The following MYH6 variants were observed in gnomAD, a reference collection of about 807,000 sequenced individuals.
MYH6 encodes myosin-6.
Under a neutral mutation model 223.2 loss-of-function variants are expected in MYH6, and 126 were observed. The ratio of observed to expected loss-of-function variants is 0.56; its 90% CI spans 0.49 to 0.65. The LOEUF is 0.65. Ranked by LOEUF, MYH6 falls within the 30% of genes least tolerant of loss-of-function variation. The pLI, the probability that MYH6 is intolerant of heterozygous loss-of-function variation, is 0.00. For synonymous variants in MYH6, 978 were observed against 1,010.2 expected (o/e 0.97, Z 0.61); for missense variants, 2,040 against 2,536.4 (o/e 0.80, Z 4.20).
At chr14:23,384,218 C>T (rs1236254212) in intron 36 of MYH6, among the ~76,000 whole-genome samples, 1 of 151,596 alleles carries the variant, frequency 6.6e-6, no homozygotes, top group African/African-American at 2.4e-5. Flanking sequence ...AGAAAGAAAC[C>T]TGGGGAAAGA....
In MYH6 at chr14:23,397,170, C is replaced by G. The variant is rs759110601; in HGVS notation, c.2050G>C (p.Gly684Arg). 1.2e-6 allele frequency: 2 copies of G among 1,614,248 alleles called. No homozygotes were observed. Among genetic ancestry groups the G allele is most frequent in the Non-Finnish European group, 1.7e-6 (2 of 1,180,052 alleles). Residue 684 changes from glycine to arginine, a missense_variant and splice_region_variant, in exon 17 of 39, where the codon GGG becomes CGG. Transcript: ENST00000405093. ...AGACTAAGGTCTTCTCCTGGCTCAC[C>G]TGGAGCCTTCCGCTCATTGGGGATG... ...CIIPNERKAP[G>R]VMDNPLVMHQ... is the part of the protein sequence containing the mutation.
At chr14:23,395,872 G>A (rs578138267) in intron 20 of MYH6, among the ~76,000 whole-genome samples, 1 of 152,134 alleles carries the variant, frequency 6.6e-6, no homozygotes, top group South Asian at 2.1e-4. Flanking sequence ...TGTTTTCCTA[G>A]GAAGTTGCAC....
intron 25 of MYH6, among the ~76,000 whole-genome samples, chr14:23,390,785 G>A (rs1026169788): frequency 6.6e-6 from 1 of 152,170 alleles, no homozygotes; most frequent in African/African-American, 2.4e-5. Flanking sequence ...GGGGGATCCT[G>A]GTATCCTGTG....
In MYH6 at chr14:23,391,580, G is replaced by A. The variant is rs143106904; in HGVS notation, c.3342+982C>T. Among the ~76,000 whole-genome samples, 72 of 152,340 alleles carry A rather than the reference G, an allele frequency of 4.7e-4. 1 individual carries two copies. Among genetic ancestry groups the A allele is most frequent in the African/African-American group, 1.7e-3 (69 of 41,570 alleles). On this transcript the variant is annotated intron_variant, in intron 25 of 38. Coordinates refer to ENST00000405093, the MANE Select transcript of MYH6 (RefSeq NM_002471.4). Reference sequence around the variant, plus strand: ...TGTGTTCATACATTACTTGCAGCCTGGGCCATGGGCCTCAAGTGCAGAGGG... The same window carrying A: ...TGTGTTCATACATTACTTGCAGCCTAGGCCATGGGCCTCAAGTGCAGAGGG...
In MYH6 at chr14:23,384,454, C is replaced by A; in HGVS notation, c.5553G>T (p.Glu1851Asp). ...GMRKSERRIK[E>D]LTYQTEEDKK... is the part of the protein sequence containing the mutation. The stretch of plus-strand genomic sequence containing the variant: ...GCGTCCGCCGCACCTGGTAGGTGAG[C>A]TCCTTGATGCGCCGCTCGCTCTTCC... Residue 1851 changes from glutamate to aspartate, a missense_variant, in exon 36 of 39, where the codon GAG becomes GAT. Coordinates refer to ENST00000405093, the MANE Select transcript of MYH6 (RefSeq NM_002471.4). 1 of 1,611,084 alleles carries A rather than the reference C, an allele frequency of 6.2e-7. No individual in the cohort carries two copies. Among genetic ancestry groups the A allele is most frequent in the Non-Finnish European group, 8.5e-7 (1 of 1,180,030 alleles).
chr14:23,396,782 C>A lies in MYH6; in HGVS notation c.2204G>T (p.Gly735Val). ...RILNPVAIPE[G>V]QFIDSRKGTE... ...CCCCTTCCTGCTATCAATGAACTGT[C>A]CCTCAGGGATGGCCACTGGGTTCAG... Residue 735 changes from glycine to valine, a missense_variant, in exon 19 of 39, where the codon GGA (glycine) becomes GTA (valine). Transcript: ENST00000405093. 6.2e-7 allele frequency: 1 copy of A among 1,613,996 alleles called. No individual in the cohort carries two copies. Among genetic ancestry groups the A allele is most frequent in the Non-Finnish European group, 8.5e-7 (1 of 1,179,874 alleles).
chr14:23,407,250 A>T lies in MYH6; in HGVS notation c.-13-14T>A. Reference sequence around the variant, plus strand: ...TTGGTGCTTCCCCTGGGTCAGAGACAGGAGGGCTATGTTACTCCTGAGGGA... The same window carrying T: ...TTGGTGCTTCCCCTGGGTCAGAGACTGGAGGGCTATGTTACTCCTGAGGGA... On this transcript the variant is annotated splice_polypyrimidine_tract_variant and intron_variant, in intron 2 of 38. Transcript: ENST00000405093. This position sits in a 1 kb window ranked among gnomAD's most constrained non-coding sequence, Gnocchi z 5.6. 1 of 1,613,966 alleles carries T rather than the reference A, an allele frequency of 6.2e-7. No individual in the cohort carries two copies. Among genetic ancestry groups the T allele is most frequent in the South Asian group, 1.1e-5 (1 of 91,052 alleles).
intron 22 of MYH6, 57 bp from the exon 23 acceptor site, chr14:23,393,575 T>C: frequency 1.2e-6 from 2 of 1,613,980 alleles, no homozygotes; most frequent in Non-Finnish European, 1.7e-6. Context: ...TGGAGACATC[T>C]ATGGGGACCT....
chr14:23,386,021 C>G lies in MYH6; in HGVS notation c.5070G>C (p.Leu1690=). The change falls in exon 34 of 39, where the codon CTG becomes CTC. Residue 1690 remains leucine (L), a synonymous_variant. Transcript: ENST00000405093. ...NNLLQAELEE[L]RAVVEQTERS... ...GCTCTGTCTGCTCCACCACGGCACG[C>G]AGCTCCTCCAGCTCAGCCTGCAGCA... 6.2e-7 allele frequency: 1 copy of G among 1,614,220 alleles called. No homozygotes were observed.
Position 23,385,049 on chromosome 14 carries a change from T to C in MYH6, c.5164-8A>G. 1.2e-6 allele frequency: 2 copies of C among 1,614,140 alleles called. No individual in the cohort carries two copies. Among genetic ancestry groups the C allele is most frequent in the African/African-American group, 2.7e-5 (2 of 75,052 alleles). ...GTTGATGAGGCTGGTGTTCTAGACATGGAGAGAGAAAAATGATCAAATATA... is the reference window on the plus strand; with the variant it reads ...GTTGATGAGGCTGGTGTTCTAGACACGGAGAGAGAAAAATGATCAAATATA... On this transcript the variant is annotated splice_region_variant and splice_polypyrimidine_tract_variant and intron_variant, in intron 34 of 38. Coordinates refer to ENST00000405093, the MANE Select transcript of MYH6 (RefSeq NM_002471.4).
At position 23,393,901 on chromosome 14, in the gene MYH6, T is replaced by C. The variant is rs1248370729; in HGVS notation, c.2693A>G (p.Asp898Gly). ...GCGCTCCTCAGCATCATTGAGGTTGTCTTGTTCCTGGGAGAAGAGAACAGG... is the reference window on the plus strand; with the variant it reads ...GCGCTCCTCAGCATCATTGAGGTTGCCTTGTTCCTGGGAGAAGAGAACAGG... ...DLQLQVQAEQDNLNDAEERCD... is the reference protein window; with the variant it reads ...DLQLQVQAEQGNLNDAEERCD... The change falls in exon 22 of 39, where the codon GAC (aspartate) becomes GGC (glycine). Residue 898 changes from aspartate to glycine, a missense_variant. Physicochemically the swap from Asp to Gly is moderately conservative, Grantham distance 94 (BLOSUM62 -1). This residue lies in a region of MYH6 where 1,203 missense variants were observed against 1,400.2 expected (regional missense o/e 0.86). Coordinates refer to ENST00000405093, the MANE Select transcript of MYH6 (RefSeq NM_002471.4). The C allele has an allele frequency of 6.2e-7, 1 of 1,614,206 alleles. No individual in the cohort carries two copies. The highest frequency in any genetic ancestry group is 1.7e-5 in the Admixed American group (1 of 60,030).
Position 23,389,505 on chromosome 14 carries a change from A to G in MYH6, c.3866T>C (p.Leu1289Ser). 6.2e-7 allele frequency: 1 copy of G among 1,614,150 alleles called. No individual in the cohort carries two copies. The highest frequency in any genetic ancestry group is 8.5e-7 in the Non-Finnish European group (1 of 1,180,024). Residue 1289 changes from leucine to serine, a missense_variant, in exon 28 of 39, where the codon TTG (leucine) becomes TCG (serine). Physicochemically the swap from Leu to Ser is moderately radical, Grantham distance 145 (BLOSUM62 -2). Coordinates refer to ENST00000405093, the MANE Select transcript of MYH6 (RefSeq NM_002471.4). ...RAKLQTENGE[L>S]ARQLEEKEAL... Reference sequence around the variant, plus strand: ...CTCCTTTTCCTCTAGCTGCCGGGCCAACTCTCCTGGAGGTGAAATGAGGGG... The same window carrying G: ...CTCCTTTTCCTCTAGCTGCCGGGCCGACTCTCCTGGAGGTGAAATGAGGGG...
chr14:23,392,540 A>C, intron 25 of MYH6, 22 bp downstream of exon 25: 1 of 1,561,316 alleles, frequency 6.4e-7, no homozygotes, highest in Non-Finnish European at 8.8e-7. Context: ...TCCCACTTTC[A>C]TGCACTGGGA....
chr14:23,390,525 G>A (rs1190116116), intron 25 of MYH6, 79 bp from the exon 26 acceptor site: 9 of 1,561,862 alleles, frequency 5.8e-6, no homozygotes, highest in Non-Finnish European at 6.0e-6. Flanking sequence ...AAGCTACCAG[G>A]AACTTAGGTT....
At chr14:23,408,108 A>C (rs1004115506) in intron 1 of MYH6, 145 bp downstream of exon 1, 2 of 388,450 alleles carry the variant, frequency 5.1e-6, no homozygotes, top group Non-Finnish European at 7.0e-6. Flanking sequence ...GTCAGGGGGA[A>C]CTTCCCTGGG....
At position 23,405,536 on chromosome 14, in the gene MYH6, G is replaced by A. The variant is rs1369617004; in HGVS notation, c.345+91C>T. The A allele has an allele frequency of 1.9e-6, 3 of 1,601,976 alleles. No homozygotes were observed. Among genetic ancestry groups the A allele is most frequent in the Non-Finnish European group, 1.7e-6 (2 of 1,172,772 alleles). On this transcript the variant is annotated intron_variant, in intron 4 of 38. Coordinates refer to ENST00000405093, the MANE Select transcript of MYH6 (RefSeq NM_002471.4). This position sits in a 1 kb window ranked among gnomAD's most constrained non-coding sequence, Gnocchi z 4.7. ...GGAAGGGGACTTGGGTCCCTTGGGA[G>A]TCTCTCCCCCTCTTCTTGGGAGAGC...
At chr14:23,398,231 T>G (rs1182095810) in intron 15 of MYH6, among the ~76,000 whole-genome samples, 1 of 152,094 alleles carries the variant, frequency 6.6e-6, no homozygotes, top group Non-Finnish European at 1.5e-5. Flanking sequence ...TTGACCAGAC[T>G]GGTCTCGAAC....
At position 23,386,333 on chromosome 14, in the gene MYH6, G is replaced by C. The variant is rs2138584877; in HGVS notation, c.4941C>G (p.Ser1647Arg). The change falls in exon 33 of 39, where the codon AGC becomes AGG. Residue 1647 changes from serine (S) to arginine (R), a missense_variant. Coordinates refer to ENST00000405093, the MANE Select transcript of MYH6 (RefSeq NM_002471.4). The part of the protein sequence containing the change: ...MAAEAQKQVK[S>R]LQSLLKDTQI... ...CATGTACCTTCAGCAAGCTCTGGAGGCTCTTGACTTGCTTCTGGGCCTCGG... is the reference window on the plus strand; with the variant it reads ...CATGTACCTTCAGCAAGCTCTGGAGCCTCTTGACTTGCTTCTGGGCCTCGG... The C allele has an allele frequency of 6.2e-7, 1 of 1,614,120 alleles. No homozygotes were observed. Among genetic ancestry groups the C allele is most frequent in the Non-Finnish European group, 8.5e-7 (1 of 1,180,024 alleles).
In MYH6 at chr14:23,388,849, T is replaced by C. The variant is rs1269110792; in HGVS notation, c.4175+10A>G. 10 of 1,613,890 alleles carry C rather than the reference T, an allele frequency of 6.2e-6. No homozygotes were observed. The highest frequency in any genetic ancestry group is 7.6e-6 in the Non-Finnish European group (9 of 1,180,044). Reference sequence around the variant, plus strand: ...CTGAGAGTCAGGTTAAGGGGGTATCTGGAGCTCACTTGGCCTCTTCGAGCT... The same window carrying C: ...CTGAGAGTCAGGTTAAGGGGGTATCCGGAGCTCACTTGGCCTCTTCGAGCT... On this transcript the variant is annotated intron_variant, in intron 29 of 38. Transcript: ENST00000405093.
Sources: allele counts gnomAD v4.1 joint callset (sites outside exome capture counted in the v4.1 genomes callset), GRCh38; gene constraint gnomAD v4.1.1; regional missense constraint gnomAD v4.1.1; non-coding constraint Gnocchi (gnomAD v3.1); transcripts MANE v1.5; gene names NCBI Gene and HGNC (gene_info 2026-07-23, HGNC 2026-07-21).